GLT8D2: variants seen among roughly 807,000 people sequenced by gnomAD.
GLT8D2 encodes glycosyltransferase 8 domain-containing protein 2.
A neutral mutation model predicts 44.5 loss-of-function variants in GLT8D2; 45 were observed. That is an observed-to-expected ratio of 1.01 (90% CI 0.80 to 1.30). The LOEUF (loss-of-function observed/expected upper bound fraction) is 1.30, where lower values mean the gene tolerates loss of function less well. Ranked by LOEUF, GLT8D2 falls within the 50% of genes most tolerant of loss-of-function variation. The pLI is 0.00. For synonymous variants in GLT8D2, 156 were observed against 157.2 expected (o/e 0.99, Z 0.06); for missense variants, 400 against 430.4 (o/e 0.93, Z 0.62).
intron 4 of GLT8D2, among the ~76,000 whole-genome samples, chr12:104,004,332 C>T (rs1874670186): frequency 6.6e-6 from 1 of 152,160 alleles, no homozygotes; most frequent in Admixed American, 6.5e-5. Flanking sequence ...GACAGGGATG[C>T]CCTCTCTCAC....
rs561482507 is a variant in GLT8D2 at position 104,055,212 on chromosome 12, C to G, written c.-422-4924G>C. Among the ~76,000 whole-genome samples, 9 of 152,310 alleles carry G rather than the reference C, an allele frequency of 5.9e-5. No homozygotes were observed. The East Asian group carries it at 1.7e-3, about 29-fold the overall frequency. ...GACGAGGGGCTGATTACCCCAGCCT[C>G]ACAGTCTCCTGTTGGTAGTGTCTCC... On this transcript the variant is annotated intron_variant, in intron 1 of 10. Coordinates refer to the GLT8D2 transcript ENST00000548660.
rs973866115 is a variant in GLT8D2 at position 104,041,368 on chromosome 12, C to G, written c.-164+8527G>C. Among the ~76,000 whole-genome samples, 6 of 152,156 alleles carry G rather than the reference C, an allele frequency of 3.9e-5. No homozygotes were observed. The South Asian group carries it at 1.2e-3, about 32-fold the overall frequency. On this transcript the variant is annotated intron_variant, in intron 1 of 10. Transcript: ENST00000360814. ...GACAGAGGTTGCAGTCGGCCAAGATCGCACCATTGCACTCCAGCCTGGGCG... is the reference window on the plus strand; with the variant it reads ...GACAGAGGTTGCAGTCGGCCAAGATGGCACCATTGCACTCCAGCCTGGGCG...
rs560259926 is a variant in GLT8D2 at position 104,046,530 on chromosome 12, C to T, written c.-164+3365G>A. Among the ~76,000 whole-genome samples, 25 of 152,340 alleles carry T rather than the reference C, an allele frequency of 1.6e-4. 1 individual carries two copies. Among genetic ancestry groups the T allele is most frequent in the East Asian group, 7.7e-4 (4 of 5,188 alleles). On this transcript the variant is annotated intron_variant, in intron 1 of 10. Coordinates refer to ENST00000360814, the MANE Select transcript of GLT8D2 (RefSeq NM_001384711.1). The stretch of plus-strand genomic sequence containing the variant: ...GTTACTACAGCCAACCACTTTCCAT[C>T]GCTATGGTTGCTATCACTGTGTCAA...
At chr12:104,038,139 G>A (rs1368988466) in intron 1 of GLT8D2, among the ~76,000 whole-genome samples, 4 of 152,124 alleles carry the variant, frequency 2.6e-5, no homozygotes, top group South Asian at 4.1e-4. Context: ...CTGATGGAAC[G>A]TGTCTCAAAA....
At chr12:104,001,217 G>C (rs1254423151) in intron 5 of GLT8D2, among the ~76,000 whole-genome samples, 4 of 152,324 alleles carry the variant, frequency 2.6e-5, no homozygotes, top group Non-Finnish European at 5.9e-5. Context: ...TGCTTAGACA[G>C]AGTGCCTTCT....
intron 1 of GLT8D2, among the ~76,000 whole-genome samples, chr12:104,034,716 A>G (rs1879736131): frequency 6.6e-6 from 1 of 152,288 alleles, no homozygotes; most frequent in Non-Finnish European, 1.5e-5. Context: ...GGGGCAGGGC[A>G]TAGCTGAACA....
At chr12:104,038,545 A>G (rs1880176717) in intron 1 of GLT8D2, among the ~76,000 whole-genome samples, 1 of 152,204 alleles carries the variant, frequency 6.6e-6, no homozygotes, top group Non-Finnish European at 1.5e-5. Flanking sequence ...CCCATTCACA[A>G]TTGCTTCAAA....
At chr12:104,014,484 T>C (rs1260073768) in intron 4 of GLT8D2, 13 of 571,432 alleles carry the variant, frequency 2.3e-5, no homozygotes, top group East Asian at 8.6e-5. Flanking sequence ...GAGGGAAACA[T>C]GGTTCTCAGT....
intron 1 of GLT8D2, among the ~76,000 whole-genome samples, chr12:104,037,468 C>T (rs2263069): frequency 0.6 from 90,859 of 151,922 alleles, 27,953 homozygotes; most frequent in Non-Finnish European, 0.67. Context: ...TAAAAAATGA[C>T]AAAGGAGATA....
chr12:103,994,152 T>G, intron 9 of GLT8D2, 183 bp downstream of exon 9: 1 of 464,810 alleles, frequency 2.2e-6, no homozygotes, highest in Non-Finnish European at 3.7e-6. Flanking sequence ...ATTCCTCTGA[T>G]TTATATCTTT....
chr12:104,005,777 T>C (rs1874913316), intron 4 of GLT8D2, among the ~76,000 whole-genome samples: 1 of 152,206 alleles, frequency 6.6e-6, no homozygotes, highest in Admixed American at 6.5e-5. Flanking sequence ...ACTTTTACAC[T>C]GTTGGTGGAA....
At chr12:104,042,321 C>T (rs139503487) in intron 1 of GLT8D2, among the ~76,000 whole-genome samples, 3 of 152,158 alleles carry the variant, frequency 2.0e-5, no homozygotes, top group Non-Finnish European at 4.4e-5. Flanking sequence ...ACCTTGAGAC[C>T]ATGAGGGAGA....
Position 104,043,762 on chromosome 12 carries a change from C to T in GLT8D2, c.-164+6133G>A, listed in dbSNP as rs115311771. ...GATTACAGGTGTGAGCCACTGTGCC[C>T]GGCTGTGACTCCGTTTTTTAAATTG... On this transcript the variant is annotated intron_variant, in intron 1 of 10. Transcript: ENST00000360814. Among the ~76,000 whole-genome samples the T allele has an allele frequency of 8.2e-3, 1,249 of 152,252 alleles. 21 individuals carry two copies. Among genetic ancestry groups the T allele is most frequent in the African/African-American group, 0.028 (1,144 of 41,556 alleles).
intron 1 of GLT8D2, among the ~76,000 whole-genome samples, chr12:104,060,135 T>C (rs1447274705): frequency 6.6e-6 from 1 of 152,228 alleles, no homozygotes; most frequent in Non-Finnish European, 1.5e-5. Context: ...TTACCACTTC[T>C]GCCTCTATGA....
rs760871849 is a variant in GLT8D2 at position 104,026,278 on chromosome 12, C to CAAAA, written c.-163-4791_-163-4788dup. ...TGGGCGACAGAGCAAGACTCTGTCTCAAAAAAAAAAAAAAAAAATTCAATA... is the reference window on the plus strand; with the variant it reads ...TGGGCGACAGAGCAAGACTCTGTCTCAAAAAAAAAAAAAAAAAAAAAATTCAATA... On this transcript the variant is annotated intron_variant, in intron 1 of 10. Coordinates refer to ENST00000360814, the MANE Select transcript of GLT8D2 (RefSeq NM_001384711.1). Among the ~76,000 whole-genome samples, 42 of 78,856 alleles carry CAAAA rather than the reference C, an allele frequency of 5.3e-4. 1 individual carries two copies. Among genetic ancestry groups the CAAAA allele is most frequent in the East Asian group, 3.0e-3 (10 of 3,366 alleles). 51.7% of individuals were successfully genotyped at this position (78,856 alleles called of 152,430 possible). A position where few individuals can be genotyped will look rare whatever the true frequency, so the allele number is the denominator to read the frequency against.
chr12:104,040,716 G>A (rs1002469441), intron 1 of GLT8D2, among the ~76,000 whole-genome samples: 8 of 151,982 alleles, frequency 5.3e-5, no homozygotes, highest in African/African-American at 7.2e-5. Flanking sequence ...GAGCCACCAC[G>A]CCCAGCCTAA....
At chr12:104,006,231 G>C (rs984782591) in intron 4 of GLT8D2, among the ~76,000 whole-genome samples, 1 of 137,210 alleles carries the variant, frequency 7.3e-6, no homozygotes, top group Non-Finnish European at 1.6e-5. Flanking sequence ...CAGGTGTGGG[G>C]TGGGGGGAGG....
rs547392677 is a variant in GLT8D2 at position 104,032,466 on chromosome 12, C to CAAAAAAAAA, written c.-163-10984_-163-10976dup. ...ATAATAAAGGAGTGATGTGCAATAG[C>CAAAAAAAAA]AAAAAAAAAAAAAAAAAAAAAAAAA... On this transcript the variant is annotated intron_variant, in intron 1 of 10. Coordinates refer to ENST00000360814, the MANE Select transcript of GLT8D2 (RefSeq NM_001384711.1). Among the ~76,000 whole-genome samples, 50 of 59,656 alleles carry CAAAAAAAAA rather than the reference C, an allele frequency of 8.4e-4. 1 individual carries two copies. Among genetic ancestry groups the CAAAAAAAAA allele is most frequent in the Non-Finnish European group, 9.5e-4 (27 of 28,360 alleles). 39.1% of individuals were successfully genotyped at this position (59,656 alleles called of 152,430 possible).
chr12:104,003,308 T>A lies in GLT8D2; in HGVS notation c.113-2A>T. The A allele has an allele frequency of 6.2e-7, 1 of 1,613,788 alleles. No homozygotes were observed. On this transcript the variant is annotated splice_acceptor_variant, in intron 4 of 10. Coordinates refer to ENST00000360814, the MANE Select transcript of GLT8D2 (RefSeq NM_001384711.1). LOFTEE classifies it high-confidence loss of function. ...CTTCAGGAGTCTCGGATTCATCATC[T>A]GGAAACATAAAAACTGGTGTCTTGG...
Sources: gnomAD v4.1 joint callset for allele counts (sites outside exome capture counted in the v4.1 genomes callset) on GRCh38, gnomAD v4.1.1 for gene constraint, MANE v1.5 for transcripts, NCBI Gene and HGNC (gene_info 2026-07-23, HGNC 2026-07-21) for gene names.